Variants in CMIP observed in about 807,000 individuals in gnomAD.
The protein encoded by CMIP is C-Maf-inducing protein.
CMIP carries 13 observed loss-of-function variants against 97.3 expected under a neutral mutation model. That is an observed-to-expected ratio of 0.13 (90% CI 0.09 to 0.21). CMIP has a LOEUF of 0.21. CMIP is among the 10% of genes least tolerant of loss of function. The pLI, the probability that CMIP is intolerant of heterozygous loss-of-function variation, is 1.00. For synonymous variants in CMIP, 538 were observed against 436.3 expected (o/e 1.23, Z -2.91); for missense variants, 847 against 1,024.9 (o/e 0.83, Z 2.37).
intron 1 of CMIP, among the ~76,000 whole-genome samples, chr16:81,596,472 A>C (rs549270129): frequency 6.7e-6 from 1 of 148,224 alleles, no homozygotes; most frequent in Non-Finnish European, 1.5e-5. Flanking sequence ...GTGCCATTGC[A>C]TTCCAGCCTG....
At chr16:81,470,683 C>T (rs753508148) in intron 1 of CMIP, among the ~76,000 whole-genome samples, 1 of 152,234 alleles carries the variant, frequency 6.6e-6, no homozygotes, top group African/African-American at 2.4e-5. Flanking sequence ...GTCTTGAGCT[C>T]TTGAGCTCAA....
chr16:81,619,972 G>GC (rs2091971443), intron 2 of CMIP: 2 of 152,298 alleles, frequency 1.3e-5, no homozygotes, highest in Non-Finnish European at 2.9e-5. Context: ...TGGGAGGGCT[G>GC]CCTTGGGCTG....
At chr16:81,660,810 G>A (rs1390704124) in intron 5 of CMIP, 74 bp from the exon 6 acceptor site, 12 of 1,504,668 alleles carry the variant, frequency 8.0e-6, no homozygotes, top group African/African-American at 4.1e-5. Context: ...TTCACAATAT[G>A]GCCTGGAGAT....
chr16:81,594,580 TC>T (rs1193474422), intron 1 of CMIP, among the ~76,000 whole-genome samples: 2 of 152,086 alleles, frequency 1.3e-5, no homozygotes. Flanking sequence ...CTGTGTTTTT[TC>T]CTAAACATAT....
At chr16:81,706,486 TC>T (rs1372304025) in intron 19 of CMIP, among the ~76,000 whole-genome samples, 1 of 151,952 alleles carries the variant, frequency 6.6e-6, no homozygotes, top group African/African-American at 2.4e-5. Context: ...TCCACTGGAG[TC>T]CCCCGGGGGG....
At chr16:81,666,329 C>G (rs1054787201) in intron 7 of CMIP, 2 of 152,160 alleles carry the variant, frequency 1.3e-5, no homozygotes, top group Non-Finnish European at 2.9e-5. Context: ...AGAGGAATGC[C>G]TCTTCAGGCA....
intron 1 of CMIP, among the ~76,000 whole-genome samples, chr16:81,585,258 T>C (rs1567594569): frequency 6.6e-6 from 1 of 152,194 alleles, no homozygotes; most frequent in African/African-American, 2.4e-5. Flanking sequence ...AGGAGAATTG[T>C]TTGAACTCAG....
chr16:81,517,845 C>G (rs2089946050), intron 1 of CMIP: 1 of 631,814 alleles, frequency 1.6e-6, no homozygotes, highest in African/African-American at 2.0e-5. Flanking sequence ...TCTCTGGAGG[C>G]TTGGGAGATG....
At chr16:81,476,187 C>T in intron 1 of CMIP, 2 of 1,273,986 alleles carry the variant, frequency 1.6e-6, no homozygotes, top group Non-Finnish European at 2.3e-6. Context: ...GTGTGGAAAA[C>T]TGGGAACCGT....
chr16:81,531,144 A>G (rs1158780507), intron 1 of CMIP, among the ~76,000 whole-genome samples: 1 of 152,148 alleles, frequency 6.6e-6, no homozygotes, highest in African/African-American at 2.4e-5. Context: ...GTCATGCTGG[A>G]GGAGAGTGGG....
chr16:81,629,528 T>C (rs559662584), intron 3 of CMIP, among the ~76,000 whole-genome samples: 1 of 152,360 alleles, frequency 6.6e-6, no homozygotes, highest in South Asian at 2.1e-4. Context: ...TTTGCCCGTC[T>C]AACCCCGTCT....
chr16:81,535,499 ACGTT>A (rs1421382974), intron 1 of CMIP, among the ~76,000 whole-genome samples: 1 of 138,266 alleles, frequency 7.2e-6, no homozygotes, highest in East Asian at 2.1e-4. Context: ...CAGCTGTTGT[ACGTT>A]CTTTCTCTAA....
chr16:81,583,233 G>A (rs149837434), intron 1 of CMIP, among the ~76,000 whole-genome samples: 17 of 152,196 alleles, frequency 1.1e-4, no homozygotes, highest in Non-Finnish European at 7.3e-5. Context: ...TATTGACGGC[G>A]ACAGCATTGG....
At chr16:81,696,298 A>G in intron 13 of CMIP, 4 of 554,276 alleles carry the variant, frequency 7.2e-6, no homozygotes, top group Non-Finnish European at 9.7e-6. Flanking sequence ...AGATCAGCCA[A>G]TCAAGCCGGG....
intron 1 of CMIP, among the ~76,000 whole-genome samples, chr16:81,596,839 T>TC (rs1448668165): frequency 6.6e-6 from 1 of 152,162 alleles, no homozygotes; most frequent in Non-Finnish European, 1.5e-5. Context: ...TACCCTGACT[T>TC]CCCACAGCAC....
intron 1 of CMIP, among the ~76,000 whole-genome samples, chr16:81,571,341 T>C (rs2091084121): frequency 6.6e-6 from 1 of 151,806 alleles, no homozygotes; most frequent in African/African-American, 2.4e-5. Context: ...CAGTGGTGTG[T>C]GCCTATAGTT....
chr16:81,495,369 C>T (rs970686646), intron 1 of CMIP: 14 of 1,510,250 alleles, frequency 9.3e-6, no homozygotes, highest in South Asian at 6.5e-5. Flanking sequence ...ATGGGCTGGG[C>T]GTGCATGGCA....
At chr16:81,693,574 C>T in intron 13 of CMIP, 87 bp downstream of exon 13, 1 of 1,398,680 alleles carries the variant, frequency 7.1e-7, no homozygotes, top group Non-Finnish European at 9.7e-7. Context: ...TGAAGCTTGT[C>T]ACCAACAGGC....
intron 14 of CMIP, 40 bp from the exon 15 acceptor site, chr16:81,699,645 G>A (rs752190856): frequency 7.4e-7 from 1 of 1,347,634 alleles, no homozygotes; most frequent in Non-Finnish European, 1.1e-6. Flanking sequence ...GCTGGCACTG[G>A]GTGTCTCTGT....
Sources: allele counts gnomAD v4.1 joint callset (sites outside exome capture counted in the v4.1 genomes callset), GRCh38; gene constraint gnomAD v4.1.1; transcripts MANE v1.5; gene names NCBI Gene and HGNC (gene_info 2026-07-23, HGNC 2026-07-21).